The following PLCG2 variants were observed in gnomAD, a reference collection of about 807,000 sequenced individuals.
PLCG2 encodes the protein 1-phosphatidylinositol 4,5-bisphosphate phosphodiesterase gamma-2.
In PLCG2, 69 loss-of-function variants were observed where a neutral mutation model predicts 175.6. That is an observed-to-expected ratio of 0.39 (90% CI 0.32 to 0.48). The LOEUF (loss-of-function observed/expected upper bound fraction) is 0.48. Among genes scored for constraint, PLCG2 ranks in the 20% least tolerant of loss-of-function variants. The pLI is 0.91. For missense variants in PLCG2, 1,798 were observed against 1,650.9 expected (o/e 1.09, Z -1.54); for synonymous variants, 827 against 624.0 (o/e 1.33, Z -4.85).
intron 7 of PLCG2, among the ~76,000 whole-genome samples, chr16:81,880,295 C>T (rs181586385): frequency 1.1e-4 from 16 of 152,268 alleles, no homozygotes; most frequent in East Asian, 5.8e-4. Context: ...AGTGGAGGTG[C>T]CTATCTCAAC....
intron 2 of PLCG2, among the ~76,000 whole-genome samples, chr16:81,789,845 C>CCT (rs1555506739): frequency 7.7e-5 from 8 of 104,538 alleles, no homozygotes; most frequent in African/African-American, 3.5e-4. Context: ...CCCACCTTTG[C>CCT]CCCCCCTCCA....
chr16:81,888,068 G>T (rs1638511941), intron 9 of PLCG2, among the ~76,000 whole-genome samples: 1 of 152,192 alleles, frequency 6.6e-6, no homozygotes, highest in South Asian at 2.1e-4. Flanking sequence ...GTGAGCTTAG[G>T]ATCATGAGGT....
Position 81,958,441 on chromosome 16 carries a change from G to C in PLCG2, c.*443G>C, listed in dbSNP as rs994264630. ...AAACTATTCATGAGATTCTGAAAAG[G>C]ATTTTAACTCAAAGGCAAATGATTC... On this transcript the variant is annotated 3_prime_UTR_variant, in exon 33 of 33. Coordinates refer to ENST00000564138, the MANE Select transcript of PLCG2 (RefSeq NM_002661.5). 4.2e-6 allele frequency: 1 copy of C among 240,718 alleles called. No individual in the cohort carries two copies. Among genetic ancestry groups the C allele is most frequent in the African/African-American group, 2.2e-5 (1 of 45,382 alleles). 14.9% of individuals were successfully genotyped at this position (240,718 alleles called of 1,614,324 possible). A position where few individuals can be genotyped will look rare whatever the true frequency, so the allele number is the denominator to read the frequency against.
chr16:81,833,563 T>C (rs1036578307), intron 2 of PLCG2, among the ~76,000 whole-genome samples: 1 of 148,602 alleles, frequency 6.7e-6, no homozygotes, highest in African/African-American at 2.5e-5. Context: ...AGGATTTCAC[T>C]CTGTCACCCA....
chr16:81,930,728 A>G (rs1465147948), intron 24 of PLCG2, among the ~76,000 whole-genome samples: 1 of 142,122 alleles, frequency 7.0e-6, no homozygotes, highest in African/African-American at 2.6e-5. Context: ...AGCCTGGGTG[A>G]CAGAGTGCCA....
intron 20 of PLCG2, among the ~76,000 whole-genome samples, chr16:81,920,375 C>A (rs1029569457): frequency 1.3e-5 from 2 of 152,146 alleles, no homozygotes; most frequent in African/African-American, 4.8e-5. Flanking sequence ...ACAAAATCTG[C>A]TTTGGGAAAT....
intron 31 of PLCG2, among the ~76,000 whole-genome samples, chr16:81,952,033 G>A (rs1911386292): frequency 6.6e-6 from 1 of 151,976 alleles, no homozygotes; most frequent in African/African-American, 2.4e-5. Flanking sequence ...ACAGAAATGT[G>A]GTGTGGGAGG....
chr16:81,899,289 T>TATATACAC (rs908648451), intron 13 of PLCG2, among the ~76,000 whole-genome samples: 28 of 92,468 alleles, frequency 3.0e-4, no homozygotes, highest in African/African-American at 9.4e-4. Flanking sequence ...TATATATATA[T>TATATACAC]ACACACACAC....
chr16:81,939,162 G>A (rs1415275484), intron 29 of PLCG2, among the ~76,000 whole-genome samples: 1 of 152,124 alleles, frequency 6.6e-6, no homozygotes, highest in East Asian at 1.9e-4. Context: ...GTGAGGCCCT[G>A]ACACTAGGTT....
chr16:81,810,056 A>T (rs1361902281), intron 2 of PLCG2, among the ~76,000 whole-genome samples: 1 of 150,730 alleles, frequency 6.6e-6, no homozygotes, highest in Non-Finnish European at 1.5e-5. Flanking sequence ...CAGTGGCGTG[A>T]TCTCAGCTCA....
chr16:81,741,846 T>C (rs1333345560), intron 1 of PLCG2, among the ~76,000 whole-genome samples: 1 of 152,196 alleles, frequency 6.6e-6, no homozygotes, highest in South Asian at 2.1e-4. Flanking sequence ...GTCATTATCA[T>C]ATCCATCACT....
At chr16:81,911,833 T>C (rs1188461184) in intron 18 of PLCG2, among the ~76,000 whole-genome samples, 2 of 143,928 alleles carry the variant, frequency 1.4e-5, no homozygotes, top group Non-Finnish European at 3.0e-5. Context: ...AGTCACATTC[T>C]GTTGCCTAGG....
chr16:81,782,380 A>C (rs1910776900), intron 1 of PLCG2, among the ~76,000 whole-genome samples: 1 of 152,164 alleles, frequency 6.6e-6, no homozygotes, highest in South Asian at 2.1e-4. Flanking sequence ...AGGGATTTCA[A>C]GGCTTTTTTT....
At chr16:81,921,340 A>G (rs1284640563) in intron 21 of PLCG2, 71 bp downstream of exon 21, 1 of 1,025,802 alleles carries the variant, frequency 9.7e-7, no homozygotes, top group South Asian at 1.3e-5. Context: ...TCTTGTTCCC[A>G]TGGCAGTTAT....
At chr16:81,766,154 G>A (rs1301400421) in intron 2 of PLCG2, among the ~76,000 whole-genome samples, 3 of 152,120 alleles carry the variant, frequency 2.0e-5, no homozygotes, top group Non-Finnish European at 4.4e-5. Context: ...GTTTATGATG[G>A]CAACAGCTGT....
At chr16:81,853,440 T>G (rs1213034313) in intron 2 of PLCG2, among the ~76,000 whole-genome samples, 4 of 152,150 alleles carry the variant, frequency 2.6e-5, no homozygotes, top group African/African-American at 9.7e-5. Flanking sequence ...AGTGACCAGT[T>G]TCATAGAAGA....
At chr16:81,869,419 G>C in intron 6 of PLCG2, 121 bp downstream of exon 6, 2 of 722,362 alleles carry the variant, frequency 2.8e-6, no homozygotes, top group Non-Finnish European at 5.0e-6. Context: ...TTTGCCTCCA[G>C]AGTACATCTT....
intron 5 of PLCG2, among the ~76,000 whole-genome samples, chr16:81,862,235 C>G (rs1317149046): frequency 6.6e-6 from 1 of 152,274 alleles, no homozygotes; most frequent in African/African-American, 2.4e-5. Context: ...AGGCTCAGGG[C>G]TGGCCCAGCC....
chr16:81,747,059 T>C (rs796234676), intron 1 of PLCG2, among the ~76,000 whole-genome samples: 71 of 152,260 alleles, frequency 4.7e-4, no homozygotes, highest in African/African-American at 1.6e-3. Flanking sequence ...TATGACAAGC[T>C]TCTGGGTCAA....
Sources: gnomAD v4.1 joint callset for allele counts (sites outside exome capture counted in the v4.1 genomes callset) on GRCh38, gnomAD v4.1.1 for gene constraint, MANE v1.5 for transcripts, NCBI Gene and HGNC (gene_info 2026-07-23, HGNC 2026-07-21) for gene names.